Variants in GPC6 observed in about 807,000 individuals in gnomAD.
GPC6 encodes the protein glypican-6.
A neutral mutation model predicts 55.2 loss-of-function variants in GPC6; 14 were observed. That is an observed-to-expected ratio of 0.25 (90% confidence interval 0.17 to 0.40). GPC6 has a LOEUF of 0.40. Ranked by LOEUF, GPC6 falls within the 10% of genes least tolerant of loss-of-function variation. GPC6 has a pLI of 1.00. For missense variants in GPC6, 641 were observed against 708.5 expected (o/e 0.90, Z 1.08); for synonymous variants, 278 against 259.6 (o/e 1.07, Z -0.68).
chr13:94,086,961 C>G (rs552192242), intron 4 of GPC6, among the ~76,000 whole-genome samples: 1 of 152,140 alleles, frequency 6.6e-6, no homozygotes, highest in African/African-American at 2.4e-5. Flanking sequence ...AAAAACTGGC[C>G]ACTTTAGTTT....
At chr13:93,599,866 G>A (rs1219597313) in intron 2 of GPC6, among the ~76,000 whole-genome samples, 1 of 152,112 alleles carries the variant, frequency 6.6e-6, no homozygotes, top group African/African-American at 2.4e-5. Context: ...TGGAGGATGG[G>A]CTTAAGAGAA....
At chr13:93,270,393 A>G (rs772150886) in intron 1 of GPC6, among the ~76,000 whole-genome samples, 1 of 152,040 alleles carries the variant, frequency 6.6e-6, no homozygotes, top group Non-Finnish European at 1.5e-5. Context: ...ACATATGTAT[A>G]TCTTTATAGA....
intron 1 of GPC6, among the ~76,000 whole-genome samples, chr13:93,515,375 C>T (rs927816677): frequency 6.6e-6 from 1 of 152,112 alleles, no homozygotes; most frequent in Non-Finnish European, 1.5e-5. Flanking sequence ...GTTTTTATAG[C>T]TCTTTTAAAT....
intron 7 of GPC6, among the ~76,000 whole-genome samples, chr13:94,384,725 C>G (rs965786572): frequency 1.3e-5 from 2 of 152,052 alleles, no homozygotes; most frequent in Admixed American, 1.3e-4. Context: ...CCACTGTTAC[C>G]CAATGAACAA....
Position 93,929,115 on chromosome 13 carries a change from G to C in GPC6, c.711+98570G>C, listed in dbSNP as rs903445417. Among the ~76,000 whole-genome samples, 5 of 152,092 alleles carry C rather than the reference G, an allele frequency of 3.3e-5. No homozygotes were observed. The East Asian group carries it at 9.6e-4, about 29-fold the overall frequency. On this transcript the variant is annotated intron_variant, in intron 3 of 8. Transcript: ENST00000377047. ...CAAAAAGTTATGTCAGATCTTCACT[G>C]TCTACAAGGGTTTTGCTTTCATGAT...
chr13:93,729,123 A>G (rs188683214), intron 2 of GPC6, among the ~76,000 whole-genome samples: 13 of 152,316 alleles, frequency 8.5e-5, no homozygotes, highest in African/African-American at 2.9e-4. Context: ...CTGCCTTGCT[A>G]CTTGATCTGT....
chr13:93,662,664 A>C (rs1301552424), intron 2 of GPC6, among the ~76,000 whole-genome samples: 1 of 151,988 alleles, frequency 6.6e-6, no homozygotes. Flanking sequence ...ACAAAAAAAA[A>C]ACTTCTACAT....
At chr13:93,226,143 G>T (rs891552739), upstream of GPC6, among the ~76,000 whole-genome samples, 4 of 151,928 alleles carry the variant, frequency 2.6e-5, no homozygotes, top group African/African-American at 9.7e-5. Context: ...ACTATGTGAG[G>T]GCATCTAGTG....
intron 2 of GPC6, among the ~76,000 whole-genome samples, chr13:93,765,325 A>G (rs1435520098): frequency 3.2e-5 from 1 of 31,556 alleles, no homozygotes; most frequent in African/African-American, 1.2e-4. Context: ...TTTAAGTATT[A>G]GAAATCTTTG....
intron 1 of GPC6, among the ~76,000 whole-genome samples, chr13:93,247,121 G>T (rs987415530): frequency 6.6e-6 from 1 of 151,590 alleles, no homozygotes; most frequent in African/African-American, 2.4e-5. Flanking sequence ...TAGTATCTTT[G>T]CAGTACCCTT....
intron 6 of GPC6, among the ~76,000 whole-genome samples, chr13:94,365,454 T>TAACA (rs1209389622): frequency 2.6e-5 from 4 of 152,140 alleles, no homozygotes; most frequent in Non-Finnish European, 5.9e-5. Context: ...AGCATAAATA[T>TAACA]AACACAAGAA....
At chr13:93,509,098 G>A (rs1367722888) in intron 1 of GPC6, among the ~76,000 whole-genome samples, 1 of 152,120 alleles carries the variant, frequency 6.6e-6, no homozygotes, top group Non-Finnish European at 1.5e-5. Context: ...ATACCAGTTG[G>A]GGTGAACAGA....
intron 3 of GPC6, among the ~76,000 whole-genome samples, chr13:93,911,350 A>C (rs951712032): frequency 5.3e-5 from 8 of 152,258 alleles, no homozygotes; most frequent in African/African-American, 1.7e-4. Context: ...TAAGTCACTG[A>C]TTCAGTGTCC....
At chr13:93,319,971 C>T (rs775180002) in intron 1 of GPC6, among the ~76,000 whole-genome samples, 2 of 152,026 alleles carry the variant, frequency 1.3e-5, no homozygotes, top group African/African-American at 2.4e-5. Context: ...GAACAACAAA[C>T]CCAAATTGGA....
intron 2 of GPC6, among the ~76,000 whole-genome samples, chr13:93,548,645 T>C (rs2139438220): frequency 6.6e-6 from 1 of 152,330 alleles, no homozygotes; most frequent in South Asian, 2.1e-4. Flanking sequence ...TATAATTTTA[T>C]AATTTGTAAA....
chr13:93,262,808 T>C (rs1877195794), intron 1 of GPC6, among the ~76,000 whole-genome samples: 1 of 152,164 alleles, frequency 6.6e-6, no homozygotes, highest in African/African-American at 2.4e-5. Flanking sequence ...CAAACACTGC[T>C]GGGACCTGGA....
rs114809830 is a variant in GPC6 at position 93,920,515 on chromosome 13, A to G, written c.711+89970A>G. The stretch of plus-strand genomic sequence containing the variant: ...GTTTAACAGGTTCAAAACTGAACTC[A>G]TTCTATTTCCCCTATACTGCTCTTC... On this transcript the variant is annotated intron_variant, in intron 3 of 8. Coordinates refer to ENST00000377047, the MANE Select transcript of GPC6 (RefSeq NM_005708.5). Among the ~76,000 whole-genome samples, 535 of 152,286 alleles carry G rather than the reference A, an allele frequency of 3.5e-3. 4 individuals carry two copies. The highest frequency in any genetic ancestry group is 0.013 in the African/African-American group (520 of 41,554).
intron 2 of GPC6, among the ~76,000 whole-genome samples, chr13:93,715,982 C>A (rs576249379): frequency 4.0e-5 from 6 of 151,716 alleles, no homozygotes; most frequent in African/African-American, 1.2e-4. Context: ...AGGACTGCAT[C>A]TACAATGGTG....
At chr13:93,452,813 A>G (rs1014622221) in intron 1 of GPC6, among the ~76,000 whole-genome samples, 22 of 151,834 alleles carry the variant, frequency 1.4e-4, no homozygotes, top group Non-Finnish European at 1.5e-4. Context: ...CCAAAACTCA[A>G]ACAGAACATG....
Sources: gnomAD v4.1 joint callset for allele counts (sites outside exome capture counted in the v4.1 genomes callset) on GRCh38, gnomAD v4.1.1 for gene constraint, MANE v1.5 for transcripts, NCBI Gene and HGNC (gene_info 2026-07-23, HGNC 2026-07-21) for gene names.